The following FMN1 variants were observed in gnomAD, a reference collection of about 807,000 sequenced individuals.
The protein encoded by FMN1 is formin 1, also known as formin-1.
Under a neutral mutation model 132.4 loss-of-function variants are expected in FMN1, and 110 were observed. The observed-to-expected ratio is 0.83, with a 90% confidence interval of 0.71 to 0.97. The LOEUF is 0.97. FMN1 is among the 50% of genes least tolerant of loss of function. The probability of loss-of-function intolerance (pLI) is 0.00; values close to 1 mark genes in which losing one functional copy is unlikely to be tolerated. For synonymous variants in FMN1, 722 were observed against 651.7 expected, an observed-to-expected ratio of 1.11 and a Z score of -1.64; for missense variants, 1,792 against 1,705.3, an observed-to-expected ratio of 1.05 and a Z score of -0.90.
chr15:32,860,148 GAGGA>G (rs1304015502), intron 16 of FMN1, among the ~76,000 whole-genome samples: 35 of 103,036 alleles, frequency 3.4e-4, no homozygotes, highest in African/African-American at 6.6e-4. Flanking sequence ...GAAAGAAAAA[GAGGA>G]AGGAAGGAAG....
At chr15:33,042,432 C>G (rs1359828375) in intron 6 of FMN1, among the ~76,000 whole-genome samples, 1 of 151,984 alleles carries the variant, frequency 6.6e-6, no homozygotes, top group Non-Finnish European at 1.5e-5. Flanking sequence ...AGCATCCAAA[C>G]AAAATTTAGA....
intron 2 of FMN1, among the ~76,000 whole-genome samples, chr15:33,190,354 G>T (rs1326689932): frequency 6.6e-6 from 1 of 152,156 alleles, no homozygotes; most frequent in Non-Finnish European, 1.5e-5. Context: ...AATTTCATTT[G>T]AATTTCATTT....
chr15:32,896,140 A>T (rs1226011258), intron 15 of FMN1, among the ~76,000 whole-genome samples: 1 of 152,044 alleles, frequency 6.6e-6, no homozygotes. Context: ...CTTTTATCAC[A>T]TACTTGACAC....
At chr15:32,937,017 C>T (rs758228198) in intron 9 of FMN1, among the ~76,000 whole-genome samples, 14 of 152,248 alleles carry the variant, frequency 9.2e-5, no homozygotes, top group African/African-American at 2.2e-4. Context: ...GTCTCTTGGG[C>T]GGCCCTCTGA....
At chr15:32,827,792 G>A (rs550211303) in intron 17 of FMN1, among the ~76,000 whole-genome samples, 60 of 151,796 alleles carry the variant, frequency 4.0e-4, no homozygotes, top group South Asian at 2.1e-4. Flanking sequence ...TGCAGTGAGC[G>A]GAGATTGCGC....
chr15:32,980,623 T>C lies in FMN1; in HGVS notation c.2224-11146A>G, dbSNP rs561204325. Among the ~76,000 whole-genome samples, 700 of 152,370 alleles carry C rather than the reference T, an allele frequency of 4.6e-3. 4 individuals carry two copies. Among genetic ancestry groups the C allele is most frequent in the South Asian group, 0.019 (90 of 4,832 alleles). On this transcript the variant is annotated intron_variant, in intron 7 of 20. Transcript: ENST00000616417. ...AACCATTTTCTGTTTTGTTTTGTTT[T>C]ATTTCAGTCTTTGGAATACCAAATT...
chr15:32,863,450 T>C (rs187613516), intron 16 of FMN1, among the ~76,000 whole-genome samples: 5 of 152,050 alleles, frequency 3.3e-5, no homozygotes, highest in African/African-American at 1.2e-4. Flanking sequence ...AATAAATAAA[T>C]AAAATAAAAT....
At chr15:33,060,073 T>C (rs2037415768) in intron 6 of FMN1, among the ~76,000 whole-genome samples, 1 of 152,232 alleles carries the variant, frequency 6.6e-6, no homozygotes, top group African/African-American at 2.4e-5. Context: ...TGCAAGACTT[T>C]TCTGGTCTTT....
At chr15:32,845,468 G>A (rs566241769) in intron 17 of FMN1, among the ~76,000 whole-genome samples, 3 of 152,136 alleles carry the variant, frequency 2.0e-5, no homozygotes, top group Non-Finnish European at 4.4e-5. Flanking sequence ...TTCTCCTTTA[G>A]ATGATGAAAC....
At chr15:32,932,315 C>A (rs1278098182) in intron 9 of FMN1, among the ~76,000 whole-genome samples, 1 of 152,184 alleles carries the variant, frequency 6.6e-6, no homozygotes, top group African/African-American at 2.4e-5. Context: ...GCAGGAAAAT[C>A]ACTTGAACCC....
chr15:33,151,119 A>T, intron 4 of FMN1: 1 of 1,410,208 alleles, frequency 7.1e-7, no homozygotes, highest in South Asian at 1.6e-5. Flanking sequence ...AGGGAACTAG[A>T]CAGAGGATAC....
chr15:33,192,864 T>A (rs375165383), intron 2 of FMN1, among the ~76,000 whole-genome samples: 1 of 152,216 alleles, frequency 6.6e-6, no homozygotes, highest in Admixed American at 6.5e-5. Context: ...TCTCGTTTAA[T>A]CCTCACACCT....
At chr15:32,997,279 ATTGT>A (rs2033827308) in intron 7 of FMN1, among the ~76,000 whole-genome samples, 1 of 150,328 alleles carries the variant, frequency 6.7e-6, no homozygotes, top group African/African-American at 2.4e-5. Flanking sequence ...AAAGAACTCT[ATTGT>A]TTATTTTTCT....
intron 3 of FMN1, among the ~76,000 whole-genome samples, chr15:33,165,838 A>G (rs752492268): frequency 3.3e-5 from 5 of 152,182 alleles, no homozygotes; most frequent in African/African-American, 4.8e-5. Flanking sequence ...GGTGGGGACC[A>G]TGGGGGCTCT....
At chr15:32,911,393 G>A (rs958247421) in intron 10 of FMN1, among the ~76,000 whole-genome samples, 1 of 152,140 alleles carries the variant, frequency 6.6e-6, no homozygotes, top group African/African-American at 2.4e-5. Flanking sequence ...CAGCACGCTA[G>A]TAAATTTTCT....
rs1214139241 is a variant in FMN1, at chr15:33,008,053, G to T, written c.2184C>A (p.His728Gln). ...TTTCTTCTTTGTGCTCCCTCTTCAA[G>T]TGTAAAATAGCAGCTTGGTATTCTG... Reference protein sequence around the residue: ...TEAEYQAAILHLKREHKEEIE... With the variant: ...TEAEYQAAILQLKREHKEEIE... The change falls in exon 7 of 21, where the codon CAC becomes CAA. Residue 728 changes from histidine to glutamine, a missense_variant. Physicochemically the swap from His to Gln is conservative, Grantham distance 24 (BLOSUM62 0). Transcript: ENST00000616417. The T allele has an allele frequency of 1.3e-6, 2 of 1,599,650 alleles. No individual in the cohort carries two copies. The highest frequency in any genetic ancestry group is 1.1e-5 in the South Asian group (1 of 88,218).
chr15:32,813,690 T>C (rs1293783504), intron 17 of FMN1, among the ~76,000 whole-genome samples: 1 of 152,172 alleles, frequency 6.6e-6, no homozygotes, highest in Admixed American at 6.5e-5. Context: ...TGCAATTCCT[T>C]GATGAAGTTG....
At chr15:32,839,973 C>T (rs375575383) in intron 17 of FMN1, among the ~76,000 whole-genome samples, 134 of 152,302 alleles carry the variant, frequency 8.8e-4, no homozygotes, top group Admixed American at 3.7e-3. Flanking sequence ...TCCGATTTTT[C>T]CCTGTGAGCA....
At chr15:32,808,315 G>A (rs1173212834) in intron 17 of FMN1, among the ~76,000 whole-genome samples, 2 of 152,194 alleles carry the variant, frequency 1.3e-5, no homozygotes, top group African/African-American at 2.4e-5. Flanking sequence ...TGAGTGTCAT[G>A]AGCCAATCAC....
Sources: allele counts gnomAD v4.1 joint callset (sites outside exome capture counted in the v4.1 genomes callset), GRCh38; gene constraint gnomAD v4.1.1; transcripts MANE v1.5; gene names NCBI Gene and HGNC (gene_info 2026-07-23, HGNC 2026-07-21).